Variants in PIAS1 observed in about 807,000 individuals in gnomAD.
PIAS1 encodes the protein E3 SUMO-protein ligase PIAS1.
Under a neutral mutation model 71.3 loss-of-function variants are expected in PIAS1, and 6 were observed. That is an observed-to-expected ratio of 0.08 (90% CI 0.05 to 0.17). PIAS1 has a LOEUF of 0.17. PIAS1 is among the 10% of genes least tolerant of loss of function. The probability of loss-of-function intolerance (pLI) is 1.00; values close to 1 mark genes in which losing one functional copy is unlikely to be tolerated. For synonymous variants in PIAS1, 303 were observed against 292.9 expected (o/e 1.03, Z -0.35); for missense variants, 555 against 793.6 (o/e 0.70, Z 3.61).
chr15:68,067,164 T>C (rs2092038345), intron 1 of PIAS1, among the ~76,000 whole-genome samples: 1 of 152,212 alleles, frequency 6.6e-6, no homozygotes, highest in Admixed American at 6.5e-5. Flanking sequence ...TCCTCTGGCC[T>C]CTTGTGTTAC....
At chr15:68,120,380 T>C (rs928884314) in intron 2 of PIAS1, among the ~76,000 whole-genome samples, 4 of 152,208 alleles carry the variant, frequency 2.6e-5, no homozygotes, top group Non-Finnish European at 5.9e-5. Context: ...ATTTTCTTTT[T>C]GTCTTATCTG....
chr15:68,084,050 A>C (rs1439661535), intron 1 of PIAS1, among the ~76,000 whole-genome samples: 3 of 152,144 alleles, frequency 2.0e-5, no homozygotes, highest in Non-Finnish European at 4.4e-5. Flanking sequence ...CAAGCAAGAG[A>C]TTTTATGAGA....
intron 12 of PIAS1, among the ~76,000 whole-genome samples, chr15:68,183,400 G>A (rs1360850042): frequency 1.3e-5 from 2 of 152,268 alleles, no homozygotes; most frequent in Admixed American, 1.3e-4. Context: ...AATGGCCCCA[G>A]TCCCCCAAAT....
At chr15:68,159,210 ATAT>A (rs1350302633) in intron 7 of PIAS1, among the ~76,000 whole-genome samples, 1 of 152,188 alleles carries the variant, frequency 6.6e-6, no homozygotes, top group Non-Finnish European at 1.5e-5. Context: ...TGCAGGACAA[ATAT>A]TATATGTCTT....
intron 1 of PIAS1, among the ~76,000 whole-genome samples, chr15:68,065,914 G>GTTT (rs1567024257): frequency 5.9e-4 from 19 of 32,136 alleles, no homozygotes; most frequent in South Asian, 1.9e-3. Flanking sequence ...CTGACTAAAA[G>GTTT]CTTTTTTTTT....
chr15:68,193,034 G>T lies in PIAS1; in HGVS notation c.*5199G>T, dbSNP rs1161865973. 2 of 152,324 alleles carry T rather than the reference G, an allele frequency of 1.3e-5. No homozygotes were observed. Among genetic ancestry groups the T allele is most frequent in the African/African-American group, 4.8e-5 (2 of 41,466 alleles). 9.4% of individuals were successfully genotyped at this position (152,324 alleles called of 1,614,324 possible). On this transcript the variant is annotated 3_prime_UTR_variant, in exon 14 of 14. Coordinates refer to ENST00000249636, the MANE Select transcript of PIAS1 (RefSeq NM_016166.3). ...TGGATGGACTCCCAGAAAGCCTAGT[G>T]CTCCTACTACTGTTTTCCAGGGCTG...
chr15:68,097,070 A>T, intron 2 of PIAS1, among the ~76,000 whole-genome samples: 1 of 152,266 alleles, frequency 6.6e-6, no homozygotes, highest in East Asian at 1.9e-4. Context: ...TTATGTTGAG[A>T]TAGTTTCCTT....
At chr15:68,177,513 C>T (rs558735056) in intron 11 of PIAS1, among the ~76,000 whole-genome samples, 1 of 152,110 alleles carries the variant, frequency 6.6e-6, no homozygotes, top group African/African-American at 2.4e-5. Context: ...CACAACATTT[C>T]CCACTTTGCA....
intron 1 of PIAS1, among the ~76,000 whole-genome samples, chr15:68,062,092 G>T (rs2091965454): frequency 6.6e-6 from 1 of 152,128 alleles, no homozygotes; most frequent in Non-Finnish European, 1.5e-5. Context: ...TATTTTTAGG[G>T]TCATATCTTC....
At chr15:68,130,664 A>G (rs1337639650) in intron 2 of PIAS1, among the ~76,000 whole-genome samples, 5 of 137,560 alleles carry the variant, frequency 3.6e-5, no homozygotes, top group Non-Finnish European at 8.0e-5. Flanking sequence ...CAAAGGTAAC[A>G]CTTAAAAAAA....
chr15:68,055,995 G>T, intron 1 of PIAS1: 1 of 679,120 alleles, frequency 1.5e-6, no homozygotes, highest in Non-Finnish European at 2.7e-6. Flanking sequence ...ACAATGGATG[G>T]TTTTGATTTT....
rs2092678439 is a variant in PIAS1 at position 68,129,944 on chromosome 15, G to T, written c.470-12002G>T. On this transcript the variant is annotated intron_variant, in intron 2 of 13. Transcript: ENST00000249636. ...TGTAGGGAAGCAGCTAGATTATGGG[G>T]TAGACTTTTATTTTGTAATCTCTTG... Among the ~76,000 whole-genome samples, 4 of 151,988 alleles carry T rather than the reference G, an allele frequency of 2.6e-5. No individual in the cohort carries two copies. In the South Asian group the frequency reaches 8.3e-4, roughly 32 times the overall value.
In PIAS1 at chr15:68,187,174, CTGAT is replaced by C. The variant is rs983874789; in HGVS notation, c.1663-367_1663-364del. Among the ~76,000 whole-genome samples the C allele has an allele frequency of 1.3e-5, 2 of 152,194 alleles. No homozygotes were observed. The highest frequency in any genetic ancestry group is 2.4e-5 in the African/African-American group (1 of 41,438). On this transcript the variant is annotated intron_variant, in intron 13 of 13. Coordinates refer to ENST00000249636, the MANE Select transcript of PIAS1 (RefSeq NM_016166.3). The surrounding 1 kb of genome is among the most constrained non-coding windows in gnomAD (Gnocchi z 5.3). Reference sequence around the variant, plus strand: ...GAAACAGGGCAGTGAGTCATATTGACTGATAGATTTCTTGGCTAAGTATCTCCTT... The same window carrying C: ...GAAACAGGGCAGTGAGTCATATTGACAGATTTCTTGGCTAAGTATCTCCTT...
chr15:68,060,211 C>A (rs1338617206), intron 1 of PIAS1, among the ~76,000 whole-genome samples: 1 of 151,958 alleles, frequency 6.6e-6, no homozygotes, highest in East Asian at 1.9e-4. Context: ...TCACAGTGAC[C>A]ACATATTGCA....
At chr15:68,143,341 A>G (rs2092785404) in intron 4 of PIAS1, among the ~76,000 whole-genome samples, 1 of 152,134 alleles carries the variant, frequency 6.6e-6, no homozygotes, top group Non-Finnish European at 1.5e-5. Flanking sequence ...CCTGTTCAGC[A>G]CTTCATGGAA....
chr15:68,180,504 G>T (rs1267673870), intron 11 of PIAS1, among the ~76,000 whole-genome samples: 15 of 149,296 alleles, frequency 1.0e-4, no homozygotes. Context: ...ACTTTTCACT[G>T]TTTTTTAGAG....
intron 2 of PIAS1, among the ~76,000 whole-genome samples, chr15:68,104,867 C>T (rs969327356): frequency 2.6e-5 from 4 of 152,152 alleles, no homozygotes; most frequent in East Asian, 1.9e-4. Flanking sequence ...CATTTTCCCA[C>T]ATTGCATAGT....
Position 68,141,998 on chromosome 15 carries a change from A to G in PIAS1, c.522A>G (p.Thr174=), listed in dbSNP as rs754225245. ...AAACCTGTTTTGCATTTGCCTTGAC[A>G]CCACAACAAGTGCAGCAAATCAGTA... ...FRETCFAFAL[T]PQQVQQISSS... is the part of the protein sequence containing the mutation. The change falls in exon 3 of 14, where the codon ACA becomes ACG. Residue 174 remains threonine, a synonymous_variant. Transcript: ENST00000249636. The G allele has an allele frequency of 2.5e-6, 4 of 1,604,886 alleles. No homozygotes were observed. The Admixed American group carries it at 6.8e-5, about 27-fold the overall frequency.
intron 1 of PIAS1, chr15:68,055,874 T>C: frequency 1.4e-6 from 1 of 699,490 alleles, no homozygotes; most frequent in Non-Finnish European, 2.6e-6. Flanking sequence ...TTTCTCCTAA[T>C]AACTTCACAA....
Sources: allele counts gnomAD v4.1 joint callset (sites outside exome capture counted in the v4.1 genomes callset), GRCh38; gene constraint gnomAD v4.1.1; non-coding constraint Gnocchi (gnomAD v3.1); transcripts MANE v1.5; gene names NCBI Gene and HGNC (gene_info 2026-07-23, HGNC 2026-07-21).